Variants in PYGO1 observed in about 807,000 individuals in gnomAD.
PYGO1 encodes the protein pygopus family PHD finger 1.
In PYGO1, 6 loss-of-function variants were observed where a neutral mutation model predicts 29.5. The observed-to-expected ratio is 0.20, with a 90% CI of 0.11 to 0.40. The LOEUF is 0.40. Ranked by LOEUF, PYGO1 falls within the 10% of genes least tolerant of loss-of-function variation. PYGO1 has a pLI of 1.00. For synonymous variants in PYGO1, 186 were observed against 180.5 expected, an observed-to-expected ratio of 1.03 and a Z score of -0.24; for missense variants, 515 against 514.9, an observed-to-expected ratio of 1.00 and a Z score of 0.00.
At position 55,547,041 on chromosome 15, in the gene PYGO1, T is replaced by C. The variant is rs1355631791; in HGVS notation, c.242A>G (p.Tyr81Cys). ...TGGATTTGACGAAGGTAGTGGTTTATAGGAAATAGTATTATAGTTGTCATC... is the reference window on the plus strand; with the variant it reads ...TGGATTTGACGAAGGTAGTGGTTTACAGGAAATAGTATTATAGTTGTCATC... The part of the protein sequence containing the change: ...PFDDNYNTIS[Y>C]KPLPSSNPYL... Residue 81 changes from tyrosine to cysteine, a missense_variant, in exon 3 of 3, where the codon TAT becomes TGT. By Grantham distance (194) the Tyr-to-Cys change is radical (BLOSUM62 -2). Transcript: ENST00000563719. 8.7e-6 allele frequency: 14 copies of C among 1,613,704 alleles called. No homozygotes were observed. Among genetic ancestry groups the C allele is most frequent in the African/African-American group, 1.3e-5 (1 of 74,906 alleles).
chr15:55,568,320 C>CTG (rs58177433), intron 1 of PYGO1, among the ~76,000 whole-genome samples: 36,799 of 125,584 alleles, frequency 0.29, 6,106 homozygotes, highest in Admixed American at 0.37. Context: ...TTCCTAGGTA[C>CTG]TGTGTGTGTG....
At chr15:55,554,845 C>T (rs2058896950) in intron 1 of PYGO1, among the ~76,000 whole-genome samples, 1 of 152,006 alleles carries the variant, frequency 6.6e-6, no homozygotes, top group African/African-American at 2.4e-5. Flanking sequence ...ACTAAACCTC[C>T]AAGGAATATG....
chr15:55,547,677 C>G (rs1357385522), intron 2 of PYGO1, among the ~76,000 whole-genome samples: 1 of 152,138 alleles, frequency 6.6e-6, no homozygotes. Context: ...CAGTTTTAGT[C>G]ACACTGCAAG....
chr15:55,580,491 G>A (rs1280779164), intron 1 of PYGO1, among the ~76,000 whole-genome samples: 2 of 152,102 alleles, frequency 1.3e-5, no homozygotes, highest in African/African-American at 4.8e-5. Flanking sequence ...AACTTAGAAG[G>A]CAGAAGACAA....
intron 1 of PYGO1, among the ~76,000 whole-genome samples, chr15:55,567,169 G>A (rs987205795): frequency 1.1e-4 from 13 of 119,238 alleles, no homozygotes; most frequent in Admixed American, 1.9e-4. Flanking sequence ...CTTCTTTTGA[G>A]AAATATCTGT....
At chr15:55,578,148 A>C (rs933932952) in intron 1 of PYGO1, among the ~76,000 whole-genome samples, 31 of 152,322 alleles carry the variant, frequency 2.0e-4, no homozygotes, top group African/African-American at 6.5e-4. Flanking sequence ...TTCAAGGTTC[A>C]TCCATGTTGT....
Position 55,546,686 on chromosome 15 carries a change from A to G in PYGO1, c.597T>C (p.Asp199=). 2 of 1,614,044 alleles carry G rather than the reference A, an allele frequency of 1.2e-6. No homozygotes were observed. The highest frequency in any genetic ancestry group is 8.5e-7 in the Non-Finnish European group (1 of 1,179,926). Residue 199 remains aspartate (D), a synonymous_variant, in exon 3 of 3, where the codon GAT becomes GAC. Transcript: ENST00000563719. ...PQNASQVSNP[D]LASNFVPGNN... ...TTCCAGGAACAAAATTAGATGCCAA[A>G]TCGGGGTTAGAAACTTGGCTAGCAT... is the stretch of plus-strand genomic sequence containing the variant.
intron 1 of PYGO1, among the ~76,000 whole-genome samples, chr15:55,557,761 G>A (rs920033535): frequency 2.6e-5 from 4 of 152,164 alleles, no homozygotes; most frequent in African/African-American, 4.8e-5. Context: ...TATCTCAATA[G>A]ATGCCGCAAA....
intron 1 of PYGO1, among the ~76,000 whole-genome samples, chr15:55,553,498 C>T (rs996394074): frequency 8.6e-5 from 13 of 152,028 alleles, no homozygotes; most frequent in East Asian, 3.9e-4. Context: ...TGGGCTCAAG[C>T]GATCCTCCTG....
intron 1 of PYGO1, among the ~76,000 whole-genome samples, chr15:55,558,588 C>A (rs1245011236): frequency 6.6e-6 from 1 of 152,052 alleles, no homozygotes; most frequent in Non-Finnish European, 1.5e-5. Flanking sequence ...TGCTACCTGG[C>A]TTCAAACTAC....
At chr15:55,577,446 A>G (rs62021872) in intron 1 of PYGO1, among the ~76,000 whole-genome samples, 8,229 of 152,198 alleles carry the variant, frequency 0.054, 277 homozygotes, top group Middle Eastern at 0.071. Flanking sequence ...TTGGCAAAAT[A>G]AACTTTCTAA....
intron 1 of PYGO1, among the ~76,000 whole-genome samples, chr15:55,549,416 T>C (rs764214343): frequency 3.9e-5 from 6 of 152,214 alleles, no homozygotes; most frequent in Non-Finnish European, 7.3e-5. Flanking sequence ...GCTTTCTTAC[T>C]TGGAGATCAT....
Position 55,541,943 on chromosome 15 carries a change from T to C in PYGO1, c.*4080A>G, listed in dbSNP as rs1303423488. 1 of 152,162 alleles carries C rather than the reference T, an allele frequency of 6.6e-6. No individual in the cohort carries two copies. The highest frequency in any genetic ancestry group is 1.5e-5 in the Non-Finnish European group (1 of 68,034). The allele number at this position is 152,162 out of a possible 1,614,324, so 9.4% of individuals were successfully genotyped here. Reference sequence around the variant, plus strand: ...AATGAGCCTTTAGGAGCTTCCCTATTGTGTAGAGTTCCAAGCCACTATTTA... The same window carrying C: ...AATGAGCCTTTAGGAGCTTCCCTATCGTGTAGAGTTCCAAGCCACTATTTA... On this transcript the variant is annotated 3_prime_UTR_variant, in exon 3 of 3. Coordinates refer to ENST00000563719, the MANE Select transcript of PYGO1 (RefSeq NM_001367806.1).
chr15:55,548,559 A>C (rs1427077760), intron 2 of PYGO1, among the ~76,000 whole-genome samples: 3 of 151,532 alleles, frequency 2.0e-5, no homozygotes, highest in African/African-American at 7.3e-5. Flanking sequence ...TACAAAAATT[A>C]GCTGGGCATG....
intron 1 of PYGO1, among the ~76,000 whole-genome samples, chr15:55,567,235 G>T (rs1418626169): frequency 4.6e-5 from 2 of 43,438 alleles, no homozygotes; most frequent in Non-Finnish European, 8.8e-5. Flanking sequence ...TTGAGACAGG[G>T]TCTGGCTCTA....
At chr15:55,573,602 T>C (rs979020733) in intron 1 of PYGO1, among the ~76,000 whole-genome samples, 1 of 152,172 alleles carries the variant, frequency 6.6e-6, no homozygotes, top group African/African-American at 2.4e-5. Context: ...CTGTCAACAA[T>C]GGGTGCATAT....
Position 55,545,988 on chromosome 15 carries a change from C to T in PYGO1, c.*35G>A, listed in dbSNP as rs775236906. On this transcript the variant is annotated 3_prime_UTR_variant, in exon 3 of 3. Coordinates refer to ENST00000563719, the MANE Select transcript of PYGO1 (RefSeq NM_001367806.1). ...TGTGTCAATGAACTTCTGCAATGCA[C>T]AGGAAAATAAACCCACTTTAGTTAA... 3 of 1,537,282 alleles carry T rather than the reference C, an allele frequency of 2.0e-6. No homozygotes were observed. Among genetic ancestry groups the T allele is most frequent in the Non-Finnish European group, 2.6e-6 (3 of 1,138,070 alleles).
chr15:55,561,926 A>G (rs1324319179), intron 1 of PYGO1, among the ~76,000 whole-genome samples: 1 of 152,170 alleles, frequency 6.6e-6, no homozygotes, highest in African/African-American at 2.4e-5. Context: ...AACCTACAGA[A>G]TAAGAGAAAA....
intron 1 of PYGO1, among the ~76,000 whole-genome samples, chr15:55,555,993 C>A (rs7181305): frequency 5.9e-5 from 9 of 152,038 alleles, no homozygotes; most frequent in East Asian, 3.9e-4. Context: ...CAGGAGCACC[C>A]AGATTCATAC....
Sources: allele counts gnomAD v4.1 joint callset (sites outside exome capture counted in the v4.1 genomes callset), GRCh38; gene constraint gnomAD v4.1.1; transcripts MANE v1.5; gene names NCBI Gene and HGNC (gene_info 2026-07-23, HGNC 2026-07-21).